PDLIM5: variants seen among roughly 807,000 people sequenced by gnomAD.
The protein encoded by PDLIM5 is PDZ and LIM domain protein 5.
A neutral mutation model predicts 64.2 loss-of-function variants in PDLIM5; 34 were observed. That is an observed-to-expected ratio of 0.53 (90% CI 0.40 to 0.71). The LOEUF is 0.71. Among genes scored for constraint, PDLIM5 ranks in the 30% least tolerant of loss-of-function variants. The pLI is 0.00. For synonymous variants in PDLIM5, 253 were observed against 269.1 expected (o/e 0.94, Z 0.59); for missense variants, 683 against 733.6 (o/e 0.93, Z 0.80).
intron 6 of PDLIM5, among the ~76,000 whole-genome samples, 181 bp from the exon 7 acceptor site, chr4:94,586,227 T>G (rs1003676405): frequency 2.0e-5 from 3 of 152,074 alleles, no homozygotes; most frequent in African/African-American, 7.2e-5. Context: ...CATTGAAAAG[T>G]ATAGATGTAA....
At chr4:94,645,231 G>T (rs1309516991) in intron 9 of PDLIM5, among the ~76,000 whole-genome samples, 2 of 152,170 alleles carry the variant, frequency 1.3e-5, no homozygotes, top group African/African-American at 4.8e-5. Flanking sequence ...CATCCAGGTT[G>T]CTGTGAATGC....
At chr4:94,598,203 A>G (rs2110343674) in intron 7 of PDLIM5, among the ~76,000 whole-genome samples, 1 of 152,288 alleles carries the variant, frequency 6.6e-6, no homozygotes, top group African/African-American at 2.4e-5. Flanking sequence ...TCAATAACCA[A>G]TAAGGTTGGC....
Position 94,605,904 on chromosome 4 carries a change from GATA to G in PDLIM5, c.921-12094_921-12092del, listed in dbSNP as rs376892564. Among the ~76,000 whole-genome samples the G allele has an allele frequency of 1.0e-3, 156 of 150,252 alleles. 1 individual carries two copies. The East Asian group carries it at 0.021, about 20-fold the overall frequency. On this transcript the variant is annotated intron_variant, in intron 7 of 12. Coordinates refer to ENST00000317968, the MANE Select transcript of PDLIM5 (RefSeq NM_006457.5). Reference sequence around the variant, plus strand: ...TGTCCTGTGGTAATATGTAGATATTGATAATAATTTATAACCATATTTTCTTTT... The same window carrying G: ...TGTCCTGTGGTAATATGTAGATATTGATAATTTATAACCATATTTTCTTTT...
chr4:94,595,505 T>A (rs1040345514), intron 7 of PDLIM5, among the ~76,000 whole-genome samples: 1 of 152,270 alleles, frequency 6.6e-6, no homozygotes, highest in Admixed American at 6.5e-5. Context: ...ATTTTAGCAC[T>A]GGAAGAATAG....
intron 9 of PDLIM5, among the ~76,000 whole-genome samples, chr4:94,651,420 G>T (rs1741834694): frequency 2.6e-5 from 4 of 152,120 alleles, no homozygotes; most frequent in Admixed American, 2.0e-4. Flanking sequence ...CCTTTTAATG[G>T]ACTGTAGTTT....
intron 2 of PDLIM5, among the ~76,000 whole-genome samples, chr4:94,521,457 T>C (rs950813655): frequency 6.6e-6 from 1 of 152,042 alleles, no homozygotes; most frequent in Non-Finnish European, 1.5e-5. Flanking sequence ...TTTTCCTAGA[T>C]GTGGTACTTA....
At chr4:94,652,183 A>G (rs1228633095) in intron 9 of PDLIM5, among the ~76,000 whole-genome samples, 1 of 152,212 alleles carries the variant, frequency 6.6e-6, no homozygotes, top group Non-Finnish European at 1.5e-5. Flanking sequence ...AACAGAATGC[A>G]GTTTGAAGTT....
At chr4:94,561,585 A>C (rs1325274803) in intron 3 of PDLIM5, among the ~76,000 whole-genome samples, 2 of 152,208 alleles carry the variant, frequency 1.3e-5, no homozygotes, top group African/African-American at 4.8e-5. Flanking sequence ...GCAAGGTCTC[A>C]GATCTTTCTG....
chr4:94,648,648 C>T (rs1231261625), intron 9 of PDLIM5, among the ~76,000 whole-genome samples: 2 of 152,202 alleles, frequency 1.3e-5, no homozygotes, highest in Non-Finnish European at 2.9e-5. Context: ...GCTGAGTACC[C>T]TGCTCAGAAT....
chr4:94,607,837 G>A (rs1578462100), intron 7 of PDLIM5, among the ~76,000 whole-genome samples: 1 of 152,092 alleles, frequency 6.6e-6, no homozygotes, highest in Non-Finnish European at 1.5e-5. Flanking sequence ...TTACATAGAA[G>A]TAGCCATATT....
At chr4:94,597,297 C>A (rs1560730170) in intron 7 of PDLIM5, among the ~76,000 whole-genome samples, 1 of 151,992 alleles carries the variant, frequency 6.6e-6, no homozygotes, top group Non-Finnish European at 1.5e-5. Context: ...TCAAGTTTAC[C>A]CTTGGCTTAC....
At chr4:94,611,511 T>C (rs1377593411) in intron 7 of PDLIM5, among the ~76,000 whole-genome samples, 1 of 152,266 alleles carries the variant, frequency 6.6e-6, no homozygotes, top group Non-Finnish European at 1.5e-5. Flanking sequence ...TGCATGGATA[T>C]AGCTATATTA....
chr4:94,586,485 C>G (rs1251503364), intron 7 of PDLIM5, 41 bp downstream of exon 7: 3 of 1,176,132 alleles, frequency 2.6e-6, no homozygotes, highest in Non-Finnish European at 3.8e-6. Flanking sequence ...GTTTTCCTTT[C>G]ACGAATGGTC....
At chr4:94,557,105 G>C (rs1733408691) in intron 3 of PDLIM5, among the ~76,000 whole-genome samples, 1 of 152,208 alleles carries the variant, frequency 6.6e-6, no homozygotes, top group African/African-American at 2.4e-5. Flanking sequence ...AAGGGATCCA[G>C]TTTCAGCTTT....
chr4:94,567,141 C>G (rs529758027), intron 3 of PDLIM5, among the ~76,000 whole-genome samples: 1 of 152,082 alleles, frequency 6.6e-6, no homozygotes, highest in Non-Finnish European at 1.5e-5. Flanking sequence ...TACAGGCGCC[C>G]GCCACCACAC....
At chr4:94,471,105 C>T (rs1337224659) in intron 2 of PDLIM5, among the ~76,000 whole-genome samples, 2 of 152,166 alleles carry the variant, frequency 1.3e-5, no homozygotes, top group East Asian at 1.9e-4. Context: ...CACCAGGTCC[C>T]TCCCATGACA....
chr4:94,635,895 A>G (rs1740520648), intron 8 of PDLIM5, among the ~76,000 whole-genome samples: 2 of 152,218 alleles, frequency 1.3e-5, no homozygotes. Context: ...TAATTAATAG[A>G]GCTTGTGTAG....
intron 7 of PDLIM5, among the ~76,000 whole-genome samples, chr4:94,591,738 C>T (rs899758181): frequency 3.9e-5 from 6 of 152,244 alleles, no homozygotes; most frequent in Admixed American, 2.0e-4. Flanking sequence ...AACTCCACCT[C>T]TCCTACCCAC....
intron 2 of PDLIM5, among the ~76,000 whole-genome samples, chr4:94,476,693 A>G (rs1394114248): frequency 1.3e-5 from 2 of 152,070 alleles, no homozygotes; most frequent in Admixed American, 6.6e-5. Context: ...CATGCTTATA[A>G]TAGTTTAGAG....
Sources: gnomAD v4.1 joint callset for allele counts (sites outside exome capture counted in the v4.1 genomes callset) on GRCh38, gnomAD v4.1.1 for gene constraint, MANE v1.5 for transcripts, NCBI Gene and HGNC (gene_info 2026-07-23, HGNC 2026-07-21) for gene names.